The following SUMF1 variants were observed in gnomAD, a reference collection of about 807,000 sequenced individuals.
SUMF1 encodes formylglycine-generating enzyme.
In SUMF1, 48 loss-of-function variants were observed where a neutral mutation model predicts 47.6. The observed-to-expected ratio is 1.01, with a 90% CI of 0.80 to 1.28. SUMF1 has a LOEUF of 1.28. Ranked by LOEUF, SUMF1 falls within the 50% of genes most tolerant of loss-of-function variation. The probability of loss-of-function intolerance (pLI) is 0.00; values close to 1 mark genes in which losing one functional copy is unlikely to be tolerated. For synonymous variants in SUMF1, 230 were observed against 192.1 expected, an observed-to-expected ratio of 1.20 and a Z score of -1.63; for missense variants, 571 against 485.4, an observed-to-expected ratio of 1.18 and a Z score of -1.66.
chr3:4,036,300 A>G (rs1189773497), intron 9 of SUMF1, among the ~76,000 whole-genome samples: 1 of 152,192 alleles, frequency 6.6e-6, no homozygotes, highest in Non-Finnish European at 1.5e-5. Context: ...TTTGTGTGAA[A>G]TAGCTCATTT....
chr3:4,354,352 T>A (rs1033543371), intron 8 of SUMF1, among the ~76,000 whole-genome samples: 6 of 152,168 alleles, frequency 3.9e-5, no homozygotes, highest in Non-Finnish European at 5.9e-5. Flanking sequence ...ATCAACACAG[T>A]ATGGGCCAAC....
chr3:4,229,242 G>A, intron 8 of SUMF1: 1 of 285,212 alleles, frequency 3.5e-6, no homozygotes, highest in South Asian at 3.2e-5. Context: ...GTTGTCACAA[G>A]AATCCACTGC....
At chr3:4,256,971 A>T (rs1393508998) in intron 8 of SUMF1, among the ~76,000 whole-genome samples, 1 of 126,488 alleles carries the variant, frequency 7.9e-6, no homozygotes, top group Non-Finnish European at 1.6e-5. Context: ...CAAATCAATA[A>T]ATGTAATCCA....
At chr3:4,299,045 G>A (rs1697913131) in intron 8 of SUMF1, among the ~76,000 whole-genome samples, 1 of 152,102 alleles carries the variant, frequency 6.6e-6, no homozygotes. Flanking sequence ...ACCTTCTTAT[G>A]TTTCTTAATT....
intron 8 of SUMF1, among the ~76,000 whole-genome samples, chr3:4,264,164 T>C (rs772386174): frequency 5.9e-5 from 9 of 152,038 alleles, no homozygotes; most frequent in Admixed American, 5.2e-4. Context: ...CATCTGAAAT[T>C]GGGAGTAGAG....
At chr3:4,268,964 A>C (rs1463132590) in intron 8 of SUMF1, among the ~76,000 whole-genome samples, 14 of 152,112 alleles carry the variant, frequency 9.2e-5, no homozygotes, top group Non-Finnish European at 1.9e-4. Flanking sequence ...TAGTATAAGG[A>C]AACTGTTCAT....
intron 8 of SUMF1, among the ~76,000 whole-genome samples, chr3:4,249,898 T>A (rs73115986): frequency 6.6e-6 from 1 of 152,094 alleles, no homozygotes; most frequent in Non-Finnish European, 1.5e-5. Flanking sequence ...AAGAGTCTCA[T>A]TGGGCCAGGG....
chr3:4,236,881 T>A (rs313631), intron 8 of SUMF1, among the ~76,000 whole-genome samples: 3 of 152,104 alleles, frequency 2.0e-5, no homozygotes, highest in African/African-American at 7.2e-5. Flanking sequence ...CCAAAAACTC[T>A]GTGTTCCACC....
Position 4,270,561 on chromosome 3 carries a change from G to A in SUMF1, c.1014+105769C>T, listed in dbSNP as rs376587759. Among the ~76,000 whole-genome samples the A allele has an allele frequency of 2.3e-4, 35 of 152,188 alleles. No individual in the cohort carries two copies. In the East Asian group the frequency reaches 5.2e-3, roughly 23 times the overall value. ...TCTTAAGGATTCTGCCATAACAAGGGTATATATTTACAGAGACAAAAGGAA... is the reference window on the plus strand; with the variant it reads ...TCTTAAGGATTCTGCCATAACAAGGATATATATTTACAGAGACAAAAGGAA... On this transcript the variant is annotated intron_variant and NMD_transcript_variant, in intron 8 of 12. Coordinates refer to the SUMF1 transcript ENST00000448413.
At chr3:4,137,590 G>A (rs1395524802) in intron 8 of SUMF1, among the ~76,000 whole-genome samples, 1 of 152,106 alleles carries the variant, frequency 6.6e-6, no homozygotes, top group Non-Finnish European at 1.5e-5. Flanking sequence ...CCTGCACGTT[G>A]TGCACATGTA....
chr3:4,355,963 CAA>C (rs1295875047), intron 8 of SUMF1, among the ~76,000 whole-genome samples: 1 of 152,182 alleles, frequency 6.6e-6, no homozygotes, highest in African/African-American at 2.4e-5. Context: ...CTAAATAGGG[CAA>C]GTTTCAGGAA....
intron 2 of SUMF1, 151 bp from the exon 3 acceptor site, chr3:4,449,491 TAA>T: frequency 2.5e-6 from 2 of 807,672 alleles, no homozygotes; most frequent in Non-Finnish European, 4.1e-6. Context: ...AGAAATGACC[TAA>T]AAGTCTCTGG....
chr3:4,450,807 T>A (rs1702943656), intron 2 of SUMF1, among the ~76,000 whole-genome samples: 1 of 151,980 alleles, frequency 6.6e-6, no homozygotes, highest in Non-Finnish European at 1.5e-5. Context: ...GCAAGAGGAC[T>A]GCGAATTCCA....
chr3:4,037,399 C>T (rs751558881), intron 9 of SUMF1, among the ~76,000 whole-genome samples: 6 of 152,092 alleles, frequency 3.9e-5, no homozygotes, highest in Admixed American at 6.6e-5. Context: ...ACATTCTTCC[C>T]AGAAAACATA....
chr3:4,422,468 TAA>T (rs1159314163), intron 3 of SUMF1, among the ~76,000 whole-genome samples: 1 of 151,862 alleles, frequency 6.6e-6, no homozygotes, highest in African/African-American at 2.4e-5. Flanking sequence ...TTTTGTGTCT[TAA>T]AATATTTCAT....
At chr3:4,174,375 A>T (rs1694909563) in intron 8 of SUMF1, among the ~76,000 whole-genome samples, 1 of 151,210 alleles carries the variant, frequency 6.6e-6, no homozygotes, top group African/African-American at 2.4e-5. Context: ...AAAAAAAAAA[A>T]AATTATGGTT....
intron 8 of SUMF1, among the ~76,000 whole-genome samples, chr3:4,085,680 A>G (rs918381224): frequency 1.3e-5 from 2 of 152,054 alleles, no homozygotes; most frequent in Non-Finnish European, 2.9e-5. Flanking sequence ...CCTGGCCAGA[A>G]CTGATGTCAT....
At chr3:4,464,096 T>C (rs1230764380) in intron 1 of SUMF1, among the ~76,000 whole-genome samples, 1 of 152,198 alleles carries the variant, frequency 6.6e-6, no homozygotes, top group Non-Finnish European at 1.5e-5. Flanking sequence ...AAGTGTTACA[T>C]TAAAAAGTGT....
chr3:4,199,913 C>T (rs556673164), intron 8 of SUMF1, among the ~76,000 whole-genome samples: 1 of 152,092 alleles, frequency 6.6e-6, no homozygotes, highest in Admixed American at 6.5e-5. Context: ...TGCATCCATT[C>T]CTTTTTGCTT....
Sources: gnomAD v4.1 joint callset for allele counts (sites outside exome capture counted in the v4.1 genomes callset) on GRCh38, gnomAD v4.1.1 for gene constraint, MANE v1.5 for transcripts, NCBI Gene and HGNC (gene_info 2026-07-23, HGNC 2026-07-21) for gene names.